Variants in SPPL2B observed in about 807,000 individuals in gnomAD.
SPPL2B encodes signal peptide peptidase like 2B.
SPPL2B carries 39 observed loss-of-function variants against 59.7 expected under a neutral mutation model. The observed-to-expected ratio is 0.65, with a 90% confidence interval of 0.51 to 0.85. The LOEUF is 0.85. Among genes scored for constraint, SPPL2B ranks in the 40% least tolerant of loss-of-function variants. The pLI is 0.00. For missense variants in SPPL2B, 865 were observed against 849.0 expected, an observed-to-expected ratio of 1.02 and a Z score of -0.23; for synonymous variants, 419 against 370.8, an observed-to-expected ratio of 1.13 and a Z score of -1.49.
At chr19:2,334,990 G>A (rs192838545) in intron 2 of SPPL2B, among the ~76,000 whole-genome samples, 79 of 152,172 alleles carry the variant, frequency 5.2e-4, no homozygotes, top group African/African-American at 1.5e-3. Flanking sequence ...GCTCCATGCC[G>A]GGGACCCTAT....
intron 8 of SPPL2B, chr19:2,341,373 T>A (rs1969042314): frequency 2.0e-6 from 1 of 489,318 alleles, no homozygotes; most frequent in Non-Finnish European, 4.0e-6. Context: ...ACGCCGCAGG[T>A]TCGAGGCCCA....
intron 13 of SPPL2B, among the ~76,000 whole-genome samples, chr19:2,348,147 T>C (rs74176391): frequency 9.9e-5 from 6 of 60,842 alleles, no homozygotes; most frequent in African/African-American, 5.3e-4. Context: ...TCTCATTCGC[T>C]TGATTCCGTT....
At chr19:2,341,290 G>A (rs1023459939) in intron 8 of SPPL2B, 1 of 631,812 alleles carries the variant, frequency 1.6e-6, no homozygotes, top group African/African-American at 1.8e-5. Flanking sequence ...GCCTGGATGG[G>A]ACTCCTTTGT....
chr19:2,347,023 T>C (rs1020550881), intron 13 of SPPL2B, among the ~76,000 whole-genome samples: 1 of 152,216 alleles, frequency 6.6e-6, no homozygotes, highest in Non-Finnish European at 1.5e-5. Context: ...TGAAATAATT[T>C]CAAATGACAG....
intron 3 of SPPL2B, chr19:2,337,838 G>T (rs1008921): frequency 0.025 from 13,341 of 539,538 alleles, 1,441 homozygotes; most frequent in African/African-American, 0.23. Flanking sequence ...TTCCTGAGCT[G>T]CTGGCTGGGG....
intron 8 of SPPL2B, chr19:2,341,760 G>A (rs1007350890): frequency 8.0e-6 from 3 of 376,744 alleles, no homozygotes; most frequent in Non-Finnish European, 1.6e-5. Context: ...AATCTTTTCA[G>A]TTATTTCCAA....
intron 2 of SPPL2B, among the ~76,000 whole-genome samples, chr19:2,336,925 ATG>A (rs1378108596): frequency 1.5e-5 from 2 of 136,774 alleles, no homozygotes. Flanking sequence ...GCATGTATGC[ATG>A]TGTGTGCCGT....
intron 14 of SPPL2B, among the ~76,000 whole-genome samples, chr19:2,351,865 G>T (rs922243740): frequency 2.0e-5 from 3 of 151,876 alleles, no homozygotes; most frequent in Non-Finnish European, 4.4e-5. Context: ...CAGGGGTGCC[G>T]GGTGGGACGC....
In SPPL2B at chr19:2,339,944, C is replaced by G. The variant is rs1240369423; in HGVS notation, c.720C>G (p.Leu240=). The G allele has an allele frequency of 6.4e-7, 1 of 1,557,210 alleles. No individual in the cohort carries two copies. Among genetic ancestry groups the G allele is most frequent in the East Asian group, 2.4e-5 (1 of 41,438 alleles). Residue 240 remains leucine, a synonymous_variant, in exon 6 of 15, where the codon CTC becomes CTG. Transcript: ENST00000613503. ...TGTGCTGCTCCATGCTGGTGCTGCT[C>G]TACTATTTCTACGATCTCCTCGGTG... is the stretch of plus-strand genomic sequence containing the variant. ...VVMCCSMLVL[L]YYFYDLLVYV...
intron 2 of SPPL2B, chr19:2,336,997 G>GGT: frequency 2.5e-5 from 4 of 158,548 alleles, no homozygotes; most frequent in Non-Finnish European, 4.1e-5. Flanking sequence ...CCTGGCTGTG[G>GGT]GTGTGTGTGT....
At chr19:2,343,862 C>T in intron 9 of SPPL2B, 103 bp from the exon 10 acceptor site, 3 of 849,906 alleles carry the variant, frequency 3.5e-6, no homozygotes, top group Non-Finnish European at 3.8e-6. Context: ...TGCTCAGGTT[C>T]CTTTAAAGGC....
rs551339963 is a variant in SPPL2B, at chr19:2,330,022, G to C, written c.66+1247G>C. 2.2e-4 allele frequency among the ~76,000 whole-genome samples: 34 copies of C among 152,260 alleles called. No homozygotes were observed. In the South Asian group the frequency reaches 4.1e-3, roughly 19 times the overall value. On this transcript the variant is annotated intron_variant, in intron 1 of 14. Transcript: ENST00000613503. ...CCTAGAGCTCCCCAGACATTTGGAA[G>C]GAGGGGGAAAGCCAGAGGTGGAAGA...
intron 1 of SPPL2B, among the ~76,000 whole-genome samples, chr19:2,331,520 C>T (rs372338921): frequency 1.3e-5 from 2 of 152,120 alleles, no homozygotes; most frequent in African/African-American, 4.8e-5. Flanking sequence ...GGTGAGGAAA[C>T]TCTTCCCGGT....
chr19:2,347,130 C>G (rs945796091), intron 13 of SPPL2B, among the ~76,000 whole-genome samples: 17 of 151,932 alleles, frequency 1.1e-4, no homozygotes, highest in African/African-American at 3.6e-4. Context: ...TCCCTCCACA[C>G]ACACTTACGC....
Position 2,353,426 on chromosome 19 carries a change from C to T in SPPL2B, c.*217C>T, listed in dbSNP as rs904451936. The T allele has an allele frequency of 6.2e-5, 37 of 592,546 alleles. No individual in the cohort carries two copies. Among genetic ancestry groups the T allele is most frequent in the Admixed American group, 6.7e-5 (2 of 29,992 alleles). The allele number at this position is 592,546 out of a possible 1,614,324, so 36.7% of individuals were successfully genotyped here. ...GGCTGCACGCCTGCTGCTCCCAGCT[C>T]GCCCGGCTGCCACAAGCTCTCTGCG... On this transcript the variant is annotated 3_prime_UTR_variant, in exon 15 of 15. Coordinates refer to ENST00000613503, the MANE Select transcript of SPPL2B (RefSeq NM_152988.3).
chr19:2,350,444 G>T (rs991104980), intron 13 of SPPL2B, among the ~76,000 whole-genome samples: 1 of 149,008 alleles, frequency 6.7e-6, no homozygotes. Context: ...GCTCTCATTC[G>T]CTTGATTCCG....
intron 1 of SPPL2B, 59 bp from the exon 2 acceptor site, chr19:2,334,543 G>C: frequency 1.3e-6 from 2 of 1,553,426 alleles, no homozygotes; most frequent in Non-Finnish European, 1.7e-6. Flanking sequence ...GTTTCTCGTG[G>C]GGCGGTGCAG....
intron 6 of SPPL2B, 40 bp from the exon 7 acceptor site, chr19:2,340,036 T>C: frequency 2.6e-6 from 4 of 1,566,494 alleles, no homozygotes; most frequent in Non-Finnish European, 3.5e-6. Context: ...GAGGGTGGCG[T>C]GCGGGCCTGG....
At chr19:2,331,534 A>T (rs1467984828) in intron 1 of SPPL2B, among the ~76,000 whole-genome samples, 6 of 151,994 alleles carry the variant, frequency 3.9e-5, no homozygotes, top group Non-Finnish European at 5.9e-5. Context: ...TCCCGGTGAG[A>T]TGCCGCGTTC....
Sources: allele counts gnomAD v4.1 joint callset (sites outside exome capture counted in the v4.1 genomes callset), GRCh38; gene constraint gnomAD v4.1.1; transcripts MANE v1.5; gene names NCBI Gene and HGNC (gene_info 2026-07-23, HGNC 2026-07-21).